The following DOT1L variants were observed in gnomAD, a reference collection of about 807,000 sequenced individuals.
DOT1L encodes the protein DOT1 like histone lysine methyltransferase.
Under a neutral mutation model 153.3 loss-of-function variants are expected in DOT1L, and 33 were observed. The ratio of observed to expected loss-of-function variants is 0.22; its 90% confidence interval spans 0.16 to 0.29. The LOEUF is 0.29. Among genes scored for constraint, DOT1L ranks in the 10% least tolerant of loss-of-function variants. DOT1L has a pLI of 1.00. For missense variants in DOT1L, 1,847 were observed against 2,119.9 expected (o/e 0.87, Z 2.53); for synonymous variants, 1,135 against 965.1 (o/e 1.18, Z -3.26).
chr19:2,189,923 G>A lies in DOT1L; in HGVS notation c.264+128G>A, dbSNP rs559585222. 26 of 1,045,282 alleles carry A rather than the reference G, an allele frequency of 2.5e-5. No homozygotes were observed. In the East Asian group the frequency reaches 5.2e-4, roughly 21 times the overall value. The allele number at this position is 1,045,282 out of a possible 1,614,324, so 64.8% of individuals were successfully genotyped here. On this transcript the variant is annotated intron_variant, in intron 4 of 27. Coordinates refer to ENST00000398665, the MANE Select transcript of DOT1L (RefSeq NM_032482.3). ...GCCCCTGGGGATTGGAATGTGCAGC[G>A]TGGGGGGACGATGGGCTGTGGGTGA...
At chr19:2,219,841 A>T (rs1291147147) in intron 22 of DOT1L, among the ~76,000 whole-genome samples, 1 of 151,808 alleles carries the variant, frequency 6.6e-6, no homozygotes, top group Admixed American at 6.6e-5. Context: ...CCCCCTCCCC[A>T]CAGCTGGACC....
chr19:2,181,003 C>T (rs941774294), intron 2 of DOT1L, among the ~76,000 whole-genome samples: 3 of 152,198 alleles, frequency 2.0e-5, no homozygotes, highest in Non-Finnish European at 4.4e-5. Context: ...GTTGCCCTGC[C>T]TTCCTCTGTC....
intron 27 of DOT1L, chr19:2,229,004 C>T (rs1177570345): frequency 2.0e-6 from 2 of 985,302 alleles, no homozygotes; most frequent in African/African-American, 3.5e-5. Context: ...GTGTTGAGGC[C>T]CCCTTGCTGG....
chr19:2,177,747 GCCT>G (rs753453764), intron 1 of DOT1L, among the ~76,000 whole-genome samples: 4 of 151,676 alleles, frequency 2.6e-5, no homozygotes, highest in Non-Finnish European at 5.9e-5. Flanking sequence ...CCCGGCTCTT[GCCT>G]CCTCCTATTT....
chr19:2,228,302 G>T, intron 27 of DOT1L: 1 of 1,350,106 alleles, frequency 7.4e-7, no homozygotes. Context: ...CCCTCGGCAT[G>T]CCGCCTCCCT....
intron 16 of DOT1L, 65 bp downstream of exon 16, chr19:2,211,907 C>T (rs1599595838): frequency 1.5e-5 from 22 of 1,448,456 alleles, no homozygotes; most frequent in Non-Finnish European, 2.1e-5. Flanking sequence ...TGTTCCTGGG[C>T]ATCTGTCCCC....
intron 16 of DOT1L, chr19:2,212,078 G>A (rs1484715111): frequency 1.7e-5 from 9 of 520,924 alleles, no homozygotes; most frequent in South Asian, 1.5e-4. Context: ...CCTGGTGTCT[G>A]ATAGGCACAC....
Position 2,216,538 on chromosome 19 carries a change from C to G in DOT1L, c.2181C>G (p.Ser727Arg), listed in dbSNP as rs2023907675. The change falls in exon 20 of 28, where the codon AGC becomes AGG. Residue 727 changes from serine (S) to arginine (R), a missense_variant. Ser to Arg is a moderately radical substitution (Grantham distance 110). Transcript: ENST00000398665. ...AAGYELCGVL[S>R]RPSSKQNTPQ... ...GCTATGAGCTCTGCGGTGTGCTGAG[C>G]CGGCCTTCGTCGAAGCAGAACACGC... is the stretch of plus-strand genomic sequence containing the variant. 1.2e-6 allele frequency: 2 copies of G among 1,611,312 alleles called. No homozygotes were observed. Among genetic ancestry groups the G allele is most frequent in the Middle Eastern group, 1.7e-4 (1 of 6,012 alleles).
At chr19:2,185,981 G>T (rs1304380449) in intron 3 of DOT1L, 52 bp downstream of exon 3, 2 of 1,553,828 alleles carry the variant, frequency 1.3e-6, no homozygotes, top group South Asian at 1.1e-5. Context: ...CTCGGCTCTT[G>T]GGGAGGACAG....
chr19:2,195,273 C>G (rs1182148930), intron 7 of DOT1L, among the ~76,000 whole-genome samples: 2 of 152,094 alleles, frequency 1.3e-5, no homozygotes, highest in Non-Finnish European at 2.9e-5. Flanking sequence ...CCTTCCCACC[C>G]CACGCTGAGT....
intron 27 of DOT1L, chr19:2,227,629 G>C (rs1353221964): frequency 4.2e-6 from 5 of 1,189,942 alleles, no homozygotes; most frequent in Non-Finnish European, 5.4e-6. Flanking sequence ...GCCCGCACAC[G>C]CCTGGCGGCG....
chr19:2,219,412 C>T (rs1262990680), intron 22 of DOT1L, among the ~76,000 whole-genome samples: 1 of 152,232 alleles, frequency 6.6e-6, no homozygotes, highest in Non-Finnish European at 1.5e-5. Context: ...TCCCCCAGCC[C>T]CCGGGCCCCC....
At chr19:2,179,389 G>A (rs2022116977) in intron 1 of DOT1L, among the ~76,000 whole-genome samples, 1 of 152,236 alleles carries the variant, frequency 6.6e-6, no homozygotes, top group Non-Finnish European at 1.5e-5. Context: ...GAGGCTGCAC[G>A]GCTGCCTGGG....
At chr19:2,196,394 G>T (rs150648615) in intron 7 of DOT1L, among the ~76,000 whole-genome samples, 1 of 152,200 alleles carries the variant, frequency 6.6e-6, no homozygotes, top group Non-Finnish European at 1.5e-5. Context: ...GGGCAGTGGC[G>T]CAATCTTGGC....
At chr19:2,164,335 A>ACC in intron 1 of DOT1L, 70 bp downstream of exon 1, 1 of 1,101,176 alleles carries the variant, frequency 9.1e-7, no homozygotes, top group Non-Finnish European at 1.1e-6. Context: ...GACACCCCAA[A>ACC]CCCCCCCAAG....
chr19:2,218,910 C>T (rs538974813), intron 22 of DOT1L, among the ~76,000 whole-genome samples: 4 of 152,216 alleles, frequency 2.6e-5, no homozygotes, highest in South Asian at 2.1e-4. Context: ...GTTGCCCAGG[C>T]TGGAGGGCAG....
intron 7 of DOT1L, among the ~76,000 whole-genome samples, chr19:2,195,965 C>T (rs995361367): frequency 2.6e-5 from 4 of 152,238 alleles, no homozygotes; most frequent in Non-Finnish European, 5.9e-5. Context: ...GTCTCCTCAG[C>T]AGGGTGCGTG....
At chr19:2,181,330 G>C (rs2022221046) in intron 2 of DOT1L, among the ~76,000 whole-genome samples, 2 of 152,202 alleles carry the variant, frequency 1.3e-5, no homozygotes, top group Admixed American at 6.5e-5. Context: ...GGCCACATGT[G>C]TCCATGTGGC....
chr19:2,223,563 TGG>T, intron 25 of DOT1L, 77 bp downstream of exon 25: 2 of 2,860 alleles, frequency 7.0e-4, no homozygotes, highest in South Asian at 5.0e-3. Flanking sequence ...TGTGTGTGGG[TGG>T]GTGGGTGGGG....
Sources: allele counts gnomAD v4.1 joint callset (sites outside exome capture counted in the v4.1 genomes callset), GRCh38; gene constraint gnomAD v4.1.1; transcripts MANE v1.5; gene names NCBI Gene and HGNC (gene_info 2026-07-23, HGNC 2026-07-21).